The following SYAP1 variants were observed in gnomAD, a reference collection of about 807,000 sequenced individuals.
The protein encoded by SYAP1 is synapse-associated protein 1.
SYAP1 carries 3 observed loss-of-function variants against 29.6 expected under a neutral mutation model. The observed-to-expected ratio is 0.10, with a 90% CI of 0.05 to 0.26. The LOEUF is 0.26. Ranked by LOEUF, SYAP1 falls within the 10% of genes least tolerant of loss-of-function variation. The pLI is 1.00. For synonymous variants in SYAP1, 102 were observed against 102.7 expected, an observed-to-expected ratio of 0.99 and a Z score of 0.04; for missense variants, 217 against 264.1, an observed-to-expected ratio of 0.82 and a Z score of 1.24.
chrX:16,724,563 G>A (rs1458261707), intron 1 of SYAP1, among the ~76,000 whole-genome samples: 1 of 111,304 alleles, frequency 9.0e-6, no homozygotes, highest in Non-Finnish European at 1.9e-5. Flanking sequence ...GTGGGGATGG[G>A]AGGGAGGTCC....
At chrX:16,744,593 G>T in intron 5 of SYAP1, among the ~76,000 whole-genome samples, 1 of 112,495 alleles carries the variant, frequency 8.9e-6, no homozygotes, top group Non-Finnish European at 1.9e-5. Flanking sequence ...AACACTTTGG[G>T]AGGCTGAGGT....
chrX:16,739,352 C>T (rs1269066985), intron 3 of SYAP1, among the ~76,000 whole-genome samples: 1 of 110,703 alleles, frequency 9.0e-6, no homozygotes, highest in Non-Finnish European at 1.9e-5. Context: ...GATATGTCTT[C>T]CCTCTGACTC....
At chrX:16,722,399 G>A (rs1367546162) in intron 1 of SYAP1, among the ~76,000 whole-genome samples, 1 of 110,098 alleles carries the variant, frequency 9.1e-6, no homozygotes, top group East Asian at 2.9e-4. Flanking sequence ...GTGGTGGTGC[G>A]CGCCTATAAT....
At position 16,761,634 on chromosome X, in the gene SYAP1, C is replaced by T. The variant is rs1441442796; in HGVS notation, c.*1275C>T. ...GTTGCAGTGAGCTGAGATCACGCCA[C>T]TGCACTCCAGCCTGGGTGACAGAGT... is the stretch of plus-strand genomic sequence containing the variant. On this transcript the variant is annotated 3_prime_UTR_variant, in exon 9 of 9. Transcript: ENST00000380155. 3 of 111,017 alleles carry T rather than the reference C, an allele frequency of 2.7e-5. No homozygotes were observed. The highest frequency in any genetic ancestry group is 9.8e-5 in the African/African-American group (3 of 30,462). 9.1% of individuals were successfully genotyped at this position (111,017 alleles called of 1,213,427 possible). A position where few individuals can be genotyped will look rare whatever the true frequency, so the allele number is the denominator to read the frequency against.
chrX:16,750,284 C>T (rs749877219), intron 5 of SYAP1, among the ~76,000 whole-genome samples: 5 of 112,001 alleles, frequency 4.5e-5, no homozygotes, highest in African/African-American at 6.5e-5. Context: ...CAGCTAAACT[C>T]GTGGTCAACT....
intron 5 of SYAP1, among the ~76,000 whole-genome samples, chrX:16,750,299 T>A (rs1004231053): frequency 8.9e-6 from 1 of 111,982 alleles, no homozygotes; most frequent in Admixed American, 9.6e-5. Context: ...TCAACTATAA[T>A]CCCTTATGAA....
chrX:16,721,447 G>A (rs1042605066), intron 1 of SYAP1, among the ~76,000 whole-genome samples: 3 of 111,085 alleles, frequency 2.7e-5, no homozygotes, highest in African/African-American at 9.8e-5. Flanking sequence ...GGGCAGGCTG[G>A]GCCCTAACGT....
intron 5 of SYAP1, among the ~76,000 whole-genome samples, chrX:16,746,317 A>G (rs1465173819): frequency 9.4e-6 from 1 of 106,801 alleles, no homozygotes; most frequent in Non-Finnish European, 1.9e-5. Flanking sequence ...GCTCACTGCA[A>G]CCTCCGCCTC....
chrX:16,753,758 A>T lies in SYAP1; in HGVS notation c.576-1187A>T, dbSNP rs752637653. On this transcript the variant is annotated intron_variant, in intron 5 of 8. Coordinates refer to ENST00000380155, the MANE Select transcript of SYAP1 (RefSeq NM_032796.4). The stretch of plus-strand genomic sequence containing the variant: ...AACCATGTGTTCATGGTGCTACCTC[A>T]TGACGGAGGTCATTTTCATTTTTTC... 6.3e-5 allele frequency among the ~76,000 whole-genome samples: 7 copies of T among 111,487 alleles called. No individual in the cohort carries two copies. The South Asian group carries it at 2.7e-3, about 43-fold the overall frequency.
chrX:16,721,581 G>C (rs756143435), intron 1 of SYAP1, among the ~76,000 whole-genome samples: 1 of 111,947 alleles, frequency 8.9e-6, no homozygotes, highest in South Asian at 3.7e-4. Context: ...AGGCTGGAGT[G>C]CAATGGCACG....
In SYAP1 at chrX:16,739,747, C is replaced by G. The variant is rs148586037; in HGVS notation, c.362-1969C>G. Among the ~76,000 whole-genome samples the G allele has an allele frequency of 5.3e-3, 597 of 111,608 alleles. 7 individuals are homozygous for G. Among genetic ancestry groups the G allele is most frequent in the African/African-American group, 0.018 (558 of 30,715 alleles). On this transcript the variant is annotated intron_variant, in intron 3 of 8. Transcript: ENST00000380155. ...CAGGCAGCTATCCCATGTCACTTTA[C>G]TTTGACTTTGTGAAGCACCGTGTGT...
At chrX:16,744,469 C>G (rs1926550156) in intron 5 of SYAP1, among the ~76,000 whole-genome samples, 1 of 112,789 alleles carries the variant, frequency 8.9e-6, no homozygotes, top group Admixed American at 9.4e-5. Flanking sequence ...TGTTCCCTTT[C>G]TCTTAACCTT....
chrX:16,749,567 T>C (rs1183345074), intron 5 of SYAP1, among the ~76,000 whole-genome samples: 1 of 111,566 alleles, frequency 9.0e-6, no homozygotes, highest in Admixed American at 9.7e-5. Flanking sequence ...TGATCTACCA[T>C]AGGTACCTAG....
intron 1 of SYAP1, among the ~76,000 whole-genome samples, chrX:16,721,758 A>G (rs1925968029): frequency 9.0e-6 from 1 of 110,675 alleles, no homozygotes; most frequent in Admixed American, 9.6e-5. Context: ...GCTGGTCTCA[A>G]ACTCCTGATC....
chrX:16,722,325 C>A (rs767808297), intron 1 of SYAP1, among the ~76,000 whole-genome samples: 1 of 110,895 alleles, frequency 9.0e-6, no homozygotes, highest in South Asian at 3.8e-4. Flanking sequence ...GTCAGGAGAT[C>A]GAGACCAGCC....
rs186808056 is a variant in SYAP1 at position 16,720,789 on chromosome X, C to T, written c.175+890C>T. On this transcript the variant is annotated intron_variant, in intron 1 of 8. Transcript: ENST00000380155. ...CAGCACTTTGAGAGGCTGAGGTGGGCGGATCATGAGGTCAGCAGTTCGAGA... is the reference window on the plus strand; with the variant it reads ...CAGCACTTTGAGAGGCTGAGGTGGGTGGATCATGAGGTCAGCAGTTCGAGA... Among the ~76,000 whole-genome samples, 168 of 111,209 alleles carry T rather than the reference C, an allele frequency of 1.5e-3. 1 individual carries two copies. The highest frequency in any genetic ancestry group is 5.3e-3 in the African/African-American group (161 of 30,628).
chrX:16,756,180 G>T (rs1926838458), intron 6 of SYAP1, among the ~76,000 whole-genome samples: 1 of 111,912 alleles, frequency 8.9e-6, no homozygotes, highest in Non-Finnish European at 1.9e-5. Flanking sequence ...CCTTTTTCTA[G>T]CACTCTTATC....
rs1927032187 is a variant in SYAP1 at position 16,763,658 on chromosome X, A to C, written c.*3299A>C. 9.1e-6 allele frequency: 1 copy of C among 110,408 alleles called. No individual in the cohort carries two copies. The highest frequency in any genetic ancestry group is 3.3e-5 in the African/African-American group (1 of 30,207). 9.1% of individuals were successfully genotyped at this position (110,408 alleles called of 1,213,427 possible). ...GCATGAGCCACAGCCTTAATTGGTA[A>C]TTTTTGAAAAAAAAACTAGAGAAAC... On this transcript the variant is annotated 3_prime_UTR_variant, in exon 9 of 9. Coordinates refer to ENST00000380155, the MANE Select transcript of SYAP1 (RefSeq NM_032796.4).
In SYAP1 at chrX:16,761,368, C is replaced by T. The variant is rs1044152364; in HGVS notation, c.*1009C>T. On this transcript the variant is annotated 3_prime_UTR_variant, in exon 9 of 9. Coordinates refer to ENST00000380155, the MANE Select transcript of SYAP1 (RefSeq NM_032796.4). ...TGTATTACAATAACCTTCAGAAGCCCATTCCCCTTAAAGTCTGTTGTTCTT... is the reference window on the plus strand; with the variant it reads ...TGTATTACAATAACCTTCAGAAGCCTATTCCCCTTAAAGTCTGTTGTTCTT... 4.5e-5 allele frequency: 5 copies of T among 110,942 alleles called. No individual in the cohort carries two copies. Among genetic ancestry groups the T allele is most frequent in the Non-Finnish European group, 9.4e-5 (5 of 53,054 alleles). 9.1% of individuals were successfully genotyped at this position (110,942 alleles called of 1,213,427 possible).
Sources: allele counts gnomAD v4.1 joint callset (sites outside exome capture counted in the v4.1 genomes callset), GRCh38; gene constraint gnomAD v4.1.1; transcripts MANE v1.5; gene names NCBI Gene and HGNC (gene_info 2026-07-23, HGNC 2026-07-21).